Variants in RIGI observed in about 807,000 individuals in gnomAD.
The protein encoded by RIGI is antiviral innate immune response receptor RIG-I.
chr9:32,488,718 C>G, the RIGI span: 2 of 1,536,142 alleles, frequency 1.3e-6, no homozygotes, highest in Non-Finnish European at 1.8e-6. Flanking sequence ...GAAGTTGAAG[C>G]AACTATTATA....
the RIGI span, chr9:32,492,413 A>C: frequency 6.2e-7 from 1 of 1,614,148 alleles, no homozygotes; most frequent in Non-Finnish European, 8.5e-7. Context: ...TCCACAGTTC[A>C]CTGAACTTGT....
At chr9:32,517,201 A>C in the RIGI span, among the ~76,000 whole-genome samples, 2 of 152,212 alleles carry the variant, frequency 1.3e-5, no homozygotes, top group South Asian at 4.1e-4. Context: ...AGCTTCTAAA[A>C]ATCAAACTGC....
the RIGI span, among the ~76,000 whole-genome samples, chr9:32,518,750 T>A: frequency 6.6e-6 from 1 of 152,244 alleles, no homozygotes; most frequent in Non-Finnish European, 1.5e-5. Flanking sequence ...TTCACCTACA[T>A]GCTTGCATTG....
At chr9:32,466,153 A>T in the RIGI span, 9 of 835,060 alleles carry the variant, frequency 1.1e-5, no homozygotes, top group Non-Finnish European at 9.4e-6. Flanking sequence ...AAACAGAATG[A>T]ATTTAATATT....
the RIGI span, among the ~76,000 whole-genome samples, chr9:32,482,297 G>C: frequency 6.6e-6 from 1 of 151,938 alleles, no homozygotes; most frequent in African/African-American, 2.4e-5. Flanking sequence ...CAACCCATGA[G>C]ATACATATTA....
the RIGI span, among the ~76,000 whole-genome samples, chr9:32,472,211 A>G: frequency 6.6e-6 from 1 of 152,244 alleles, no homozygotes; most frequent in African/African-American, 2.4e-5. Flanking sequence ...AAGAATAACA[A>G]TAAAACAGAA....
the RIGI span, chr9:32,492,578 A>C: frequency 6.2e-7 from 1 of 1,610,084 alleles, no homozygotes; most frequent in Non-Finnish European, 8.5e-7. Flanking sequence ...AATTATCTCA[A>C]AAGTTTTCCC....
the RIGI span, chr9:32,480,462 T>C: frequency 9.1e-7 from 1 of 1,104,712 alleles, no homozygotes; most frequent in South Asian, 2.5e-5. Flanking sequence ...AACTTTTCTT[T>C]TCAAATCTAT....
the RIGI span, among the ~76,000 whole-genome samples, chr9:32,458,889 C>CTTTTTTTTT: frequency 8.0e-6 from 1 of 125,034 alleles, no homozygotes; most frequent in Non-Finnish European, 1.6e-5. Context: ...TTTAGCATGA[C>CTTTTTTTTT]TTTTTTTTTT....
chr9:32,474,184 G>A, the RIGI span, among the ~76,000 whole-genome samples: 2 of 130,004 alleles, frequency 1.5e-5, no homozygotes, highest in Non-Finnish European at 3.2e-5. Flanking sequence ...CCTGGGCAAT[G>A]AGAGTGAGAC....
chr9:32,513,141 C>G, the RIGI span, among the ~76,000 whole-genome samples: 1 of 151,840 alleles, frequency 6.6e-6, no homozygotes, highest in Non-Finnish European at 1.5e-5. Context: ...AATGGCCATA[C>G]TGCCCAAGGT....
the RIGI span, among the ~76,000 whole-genome samples, chr9:32,486,453 CAAAAAAA>C: frequency 3.3e-5 from 2 of 60,822 alleles, no homozygotes; most frequent in East Asian, 4.6e-4. Context: ...GACTCTGTCT[CAAAAAAA>C]AAAAAAAAAA....
chr9:32,523,495 C>T, the RIGI span, among the ~76,000 whole-genome samples: 1 of 152,178 alleles, frequency 6.6e-6, no homozygotes, highest in African/African-American at 2.4e-5. Flanking sequence ...ACCATTTATT[C>T]ACCCAAGGAC....
the RIGI span, among the ~76,000 whole-genome samples, chr9:32,508,916 G>A: frequency 6.6e-6 from 1 of 152,160 alleles, no homozygotes; most frequent in Non-Finnish European, 1.5e-5. Context: ...TTGGTTGGGG[G>A]AGGGGCATCC....
At chr9:32,480,121 C>A in the RIGI span, 1 of 1,372,582 alleles carries the variant, frequency 7.3e-7, no homozygotes, top group African/African-American at 1.4e-5. Context: ...CCCTAAGCAT[C>A]CCCAAGTTTA....
At chr9:32,500,929 C>G in the RIGI span, 1 of 1,613,830 alleles carries the variant, frequency 6.2e-7, no homozygotes, top group South Asian at 1.1e-5. Flanking sequence ...CCTGAATATA[C>G]TGCACCTCTT....
chr9:32,464,508 GC>G, the RIGI span, among the ~76,000 whole-genome samples: 1 of 152,068 alleles, frequency 6.6e-6, no homozygotes, highest in Non-Finnish European at 1.5e-5. Context: ...TCCTGCCTCA[GC>G]CTCCCGAGTA....
chr9:32,501,727 G>A, the RIGI span, among the ~76,000 whole-genome samples: 2 of 152,144 alleles, frequency 1.3e-5, no homozygotes, highest in Non-Finnish European at 2.9e-5. Context: ...AAGGGAGTAA[G>A]CAAGTTGTCA....
At chr9:32,470,432 CTG>C in the RIGI span, among the ~76,000 whole-genome samples, 77 of 152,324 alleles carry the variant, frequency 5.1e-4, 1 homozygote, top group Middle Eastern at 0.01. Flanking sequence ...ATGGTCATGA[CTG>C]TGTTCCCCCA....
Sources: allele counts gnomAD v4.1 joint callset (sites outside exome capture counted in the v4.1 genomes callset), GRCh38; gene constraint gnomAD v4.1.1; transcripts MANE v1.5; gene names NCBI Gene and HGNC (gene_info 2026-07-23, HGNC 2026-07-21).